Variants in BICC1 observed in about 807,000 individuals in gnomAD.
BICC1 encodes the protein protein bicaudal C homolog 1.
Under a neutral mutation model 111.0 loss-of-function variants are expected in BICC1, and 43 were observed. The ratio of observed to expected loss-of-function variants is 0.39; its 90% confidence interval spans 0.30 to 0.50. The LOEUF is 0.50. BICC1 is among the 20% of genes least tolerant of loss of function. The pLI, the probability that BICC1 is intolerant of heterozygous loss-of-function variation, is 0.88. For synonymous variants in BICC1, 467 were observed against 434.4 expected (o/e 1.07, Z -0.93); for missense variants, 1,091 against 1,203.2 (o/e 0.91, Z 1.38).
In BICC1 at chr10:58,645,311, A is replaced by AG. The variant is rs1296509100; in HGVS notation, c.237+24412dup. 4.9e-5 allele frequency among the ~76,000 whole-genome samples: 7 copies of AG among 142,628 alleles called. No homozygotes were observed. In the South Asian group the frequency reaches 7.2e-4, roughly 15 times the overall value. 93.6% of individuals were successfully genotyped at this position (142,628 alleles called of 152,430 possible). The stretch of plus-strand genomic sequence containing the variant: ...GTAGTCCCAGCTACTCGGGAGGCTG[A>AG]GGCAGGAGAATGGTGAACCCGGGAG... On this transcript the variant is annotated intron_variant, in intron 2 of 20. Transcript: ENST00000373886.
upstream of BICC1, among the ~76,000 whole-genome samples, chr10:58,512,635 GTGTT>G (rs1300750228): frequency 3.3e-5 from 5 of 152,164 alleles, no homozygotes; most frequent in Non-Finnish European, 7.4e-5. Flanking sequence ...AGGAGTGTGT[GTGTT>G]TGAGGAGCTA....
intron 1 of BICC1, among the ~76,000 whole-genome samples, chr10:58,603,578 A>G (rs1220654878): frequency 2.0e-5 from 3 of 152,220 alleles, no homozygotes; most frequent in African/African-American, 7.2e-5. Flanking sequence ...TGAGTTAGTC[A>G]GTGTGTCCAA....
intron 3 of BICC1, among the ~76,000 whole-genome samples, chr10:58,737,834 G>C (rs909597947): frequency 6.6e-6 from 1 of 152,148 alleles, no homozygotes; most frequent in Non-Finnish European, 1.5e-5. Context: ...TTCTCTGATG[G>C]ACAGTGATGA....
rs777968525 is a variant in BICC1 at position 58,800,285 on chromosome 10, G to A, written c.1817G>A (p.Ser606Asn). The change falls in exon 13 of 21, where the codon AGT (serine) becomes AAT (asparagine). Residue 606 changes from serine to asparagine, a missense_variant. By Grantham distance (46) the Ser-to-Asn change is conservative. Coordinates refer to ENST00000373886, the MANE Select transcript of BICC1 (RefSeq NM_001080512.3). ...ANHGDPSIQTSGSEQTSPKSS... is the reference protein window; with the variant it reads ...ANHGDPSIQTNGSEQTSPKSS... ...CACGGGGATCCGTCCATCCAGACAA[G>A]TGGGTCTGAGCAGACATCTCCCAAA... 5.6e-6 allele frequency: 9 copies of A among 1,613,762 alleles called. No individual in the cohort carries two copies. The highest frequency in any genetic ancestry group is 4.4e-5 in the South Asian group (4 of 91,032).
At chr10:58,578,786 G>T (rs1041217313) in intron 1 of BICC1, among the ~76,000 whole-genome samples, 4 of 152,062 alleles carry the variant, frequency 2.6e-5, no homozygotes, top group Admixed American at 2.6e-4. Context: ...TAAGAGCCAT[G>T]CCCCCTCTCC....
intron 1 of BICC1, among the ~76,000 whole-genome samples, chr10:58,549,225 G>T (rs990315231): frequency 6.6e-6 from 1 of 151,884 alleles, no homozygotes; most frequent in African/African-American, 2.4e-5. Context: ...TGTTGAGATT[G>T]TTTCCAGCTC....
chr10:58,571,600 T>C (rs1843954248), intron 1 of BICC1, among the ~76,000 whole-genome samples: 1 of 152,072 alleles, frequency 6.6e-6, no homozygotes, highest in Admixed American at 6.6e-5. Context: ...GTTGGTTTTC[T>C]GTTCCTGTGT....
intron 3 of BICC1, among the ~76,000 whole-genome samples, chr10:58,709,005 A>C (rs558824155): frequency 1.2e-4 from 18 of 152,276 alleles, no homozygotes; most frequent in African/African-American, 4.3e-4. Flanking sequence ...CTATATCACA[A>C]GCAGGGTAAT....
At chr10:58,584,055 AACACACACACACACACACACAC>A (rs140080926) in intron 1 of BICC1, among the ~76,000 whole-genome samples, 98 of 147,964 alleles carry the variant, frequency 6.6e-4, no homozygotes, top group South Asian at 1.1e-3. Flanking sequence ...GTAAACATGA[AACACACACACACACACACACAC>A]ACACACACAC....
chr10:58,746,974 TC>T (rs1841852684), intron 3 of BICC1, among the ~76,000 whole-genome samples: 1 of 152,068 alleles, frequency 6.6e-6, no homozygotes, highest in South Asian at 2.1e-4. Context: ...CTTTCTCCTT[TC>T]CCTCCATTTC....
At chr10:58,638,435 G>GA (rs1345731779) in intron 2 of BICC1, among the ~76,000 whole-genome samples, 3 of 152,152 alleles carry the variant, frequency 2.0e-5, no homozygotes, top group East Asian at 3.9e-4. Context: ...GCAGTTAAAG[G>GA]AAAAAAGGCT....
intron 1 of BICC1, among the ~76,000 whole-genome samples, chr10:58,586,610 C>T (rs1277825684): frequency 1.2e-5 from 1 of 81,614 alleles, no homozygotes; most frequent in East Asian, 4.5e-4. Context: ...GAGAGACTCA[C>T]TCTCTCTCAA....
chr10:58,631,910 A>T (rs966597568), intron 2 of BICC1, among the ~76,000 whole-genome samples: 1 of 152,110 alleles, frequency 6.6e-6, no homozygotes, highest in Non-Finnish European at 1.5e-5. Context: ...ATGTTTTCCT[A>T]TTGGCATTTG....
chr10:58,756,078 G>T (rs967858852), intron 3 of BICC1, among the ~76,000 whole-genome samples: 88 of 152,142 alleles, frequency 5.8e-4, no homozygotes, highest in African/African-American at 2.0e-3. Context: ...ACCTCTGCTT[G>T]TTCCATTTTC....
intron 1 of BICC1, among the ~76,000 whole-genome samples, chr10:58,548,562 A>G (rs751337963): frequency 1.3e-5 from 2 of 152,194 alleles, no homozygotes; most frequent in Admixed American, 1.3e-4. Flanking sequence ...TTACAATGTC[A>G]TGTATCCCCC....
intron 2 of BICC1, among the ~76,000 whole-genome samples, chr10:58,675,094 G>A (rs1292223287): frequency 1.3e-5 from 2 of 152,174 alleles, no homozygotes; most frequent in Admixed American, 6.5e-5. Flanking sequence ...ACATGGTTTT[G>A]GAGAGGGAAT....
intron 3 of BICC1, among the ~76,000 whole-genome samples, chr10:58,773,505 C>T (rs1465679526): frequency 6.6e-6 from 1 of 152,184 alleles, no homozygotes; most frequent in Admixed American, 6.5e-5. Flanking sequence ...CAGCTGGAAG[C>T]CATTATCATC....
At chr10:58,556,072 G>C (rs1049042843) in intron 1 of BICC1, among the ~76,000 whole-genome samples, 1 of 152,074 alleles carries the variant, frequency 6.6e-6, no homozygotes, top group Non-Finnish European at 1.5e-5. Flanking sequence ...TAGTTTTCGA[G>C]TGTTGGGGGA....
intron 18 of BICC1, among the ~76,000 whole-genome samples, chr10:58,815,020 A>C (rs931958817): frequency 6.6e-6 from 1 of 152,208 alleles, no homozygotes; most frequent in African/African-American, 2.4e-5. Flanking sequence ...CCATTGTTTT[A>C]TCTACAACAG....
Sources: gnomAD v4.1 joint callset for allele counts (sites outside exome capture counted in the v4.1 genomes callset) on GRCh38, gnomAD v4.1.1 for gene constraint, MANE v1.5 for transcripts, NCBI Gene and HGNC (gene_info 2026-07-23, HGNC 2026-07-21) for gene names.